RHBDD1: variants seen among roughly 807,000 people sequenced by gnomAD.
RHBDD1 encodes rhomboid domain containing 1.
A neutral mutation model predicts 36.3 loss-of-function variants in RHBDD1; 38 were observed. The ratio of observed to expected loss-of-function variants is 1.05; its 90% CI spans 0.81 to 1.37. The LOEUF (loss-of-function observed/expected upper bound fraction) is 1.37, where lower values mean the gene tolerates loss of function less well. Among genes scored for constraint, RHBDD1 ranks in the 40% most tolerant of loss-of-function variants. The probability of loss-of-function intolerance (pLI) is 0.00; values close to 1 mark genes in which losing one functional copy is unlikely to be tolerated. For synonymous variants in RHBDD1, 151 were observed against 136.5 expected, an observed-to-expected ratio of 1.11 and a Z score of -0.74; for missense variants, 393 against 377.6, an observed-to-expected ratio of 1.04 and a Z score of -0.34.
chr2:226,908,256 C>G (rs929154728), intron 6 of RHBDD1: 13 of 152,124 alleles, frequency 8.5e-5, no homozygotes, highest in African/African-American at 3.1e-4. Flanking sequence ...GGAAAACGAC[C>G]CAGCATGTGG....
At chr2:226,849,719 AT>A (rs1334307274) in intron 3 of RHBDD1, among the ~76,000 whole-genome samples, 2 of 152,200 alleles carry the variant, frequency 1.3e-5, no homozygotes, top group African/African-American at 4.8e-5. Context: ...GCCTATATCT[AT>A]ATCTATATAA....
In RHBDD1 at chr2:226,896,050, A is replaced by G. The variant is rs544142091; in HGVS notation, c.567-10743A>G. The stretch of plus-strand genomic sequence containing the variant: ...TGTTTATGTATATTTGTGTGTCTGC[A>G]TAATATGTTATATGTATAAATATGT... On this transcript the variant is annotated intron_variant, in intron 5 of 8. Coordinates refer to ENST00000392062, the MANE Select transcript of RHBDD1 (RefSeq NM_001167608.3). 4.5e-4 allele frequency among the ~76,000 whole-genome samples: 68 copies of G among 152,356 alleles called. 2 individuals carry two copies. In the South Asian group the frequency reaches 0.014, roughly 31 times the overall value.
chr2:226,867,217 C>G lies in RHBDD1; in HGVS notation c.465C>G (p.Asn155Lys). 1 of 1,611,588 alleles carries G rather than the reference C, an allele frequency of 6.2e-7. No individual in the cohort carries two copies. The highest frequency in any genetic ancestry group is 8.5e-7 in the Non-Finnish European group (1 of 1,179,144). ...GVLFALKVLNNHYCPGGFVNI... is the reference protein window; with the variant it reads ...GVLFALKVLNKHYCPGGFVNI... ...TGTTTGCTTTGAAAGTTCTTAACAACCATTATTGCCCTGGAGGCTTTGTCA... is the reference window on the plus strand; with the variant it reads ...TGTTTGCTTTGAAAGTTCTTAACAAGCATTATTGCCCTGGAGGCTTTGTCA... Residue 155 changes from asparagine to lysine, a missense_variant, in exon 5 of 9, where the codon AAC becomes AAG. By Grantham distance (94) the Asn-to-Lys change is moderately conservative (BLOSUM62 0). Coordinates refer to ENST00000392062, the MANE Select transcript of RHBDD1 (RefSeq NM_001167608.3).
At chr2:226,841,059 T>C (rs1042589986) in intron 3 of RHBDD1, among the ~76,000 whole-genome samples, 5 of 152,212 alleles carry the variant, frequency 3.3e-5, no homozygotes, top group African/African-American at 1.2e-4. Context: ...ATACTGCCCA[T>C]GTAGTCGCCC....
chr2:226,960,118 C>T (rs749010626), intron 8 of RHBDD1, among the ~76,000 whole-genome samples: 2 of 152,138 alleles, frequency 1.3e-5, no homozygotes, highest in Non-Finnish European at 2.9e-5. Flanking sequence ...CCACCGTGCC[C>T]GGCCACATTT....
chr2:226,969,907 G>C (rs969129655), intron 8 of RHBDD1, among the ~76,000 whole-genome samples: 4 of 151,980 alleles, frequency 2.6e-5, no homozygotes, highest in African/African-American at 9.7e-5. Context: ...AGGCACAAAG[G>C]GAATCTTGAA....
At chr2:226,835,201 G>A (rs903532557), upstream of RHBDD1, among the ~76,000 whole-genome samples, 2 of 152,172 alleles carry the variant, frequency 1.3e-5, no homozygotes, top group African/African-American at 2.4e-5. Context: ...GTGAGTTACC[G>A]CGCCCGGCTG....
intron 8 of RHBDD1, among the ~76,000 whole-genome samples, chr2:226,919,694 A>T (rs749798199): frequency 3.9e-5 from 6 of 151,966 alleles, no homozygotes; most frequent in Non-Finnish European, 8.8e-5. Context: ...GTCTGGTTTT[A>T]TGCCAGTACC....
At chr2:226,973,067 G>A (rs1306877844) in intron 8 of RHBDD1, among the ~76,000 whole-genome samples, 1 of 152,158 alleles carries the variant, frequency 6.6e-6, no homozygotes, top group Non-Finnish European at 1.5e-5. Flanking sequence ...GTTGTGCCCT[G>A]TGGCTGCCAT....
intron 5 of RHBDD1, among the ~76,000 whole-genome samples, chr2:226,902,020 T>G (rs1290775365): frequency 1.3e-5 from 2 of 152,156 alleles, no homozygotes; most frequent in Non-Finnish European, 2.9e-5. Context: ...GGTGGTCCTG[T>G]CCCAGAAGGA....
intron 8 of RHBDD1, among the ~76,000 whole-genome samples, chr2:226,938,406 C>A (rs997515946): frequency 6.6e-6 from 1 of 152,004 alleles, no homozygotes; most frequent in Non-Finnish European, 1.5e-5. Flanking sequence ...TTGATAGTTT[C>A]TTTTGCTGTG....
chr2:226,895,424 G>A (rs1234293786), intron 5 of RHBDD1, among the ~76,000 whole-genome samples: 1 of 152,128 alleles, frequency 6.6e-6, no homozygotes, highest in Admixed American at 6.5e-5. Context: ...AAGATGGAGA[G>A]GATTGTGGTC....
intron 8 of RHBDD1, among the ~76,000 whole-genome samples, chr2:226,980,357 G>A (rs576920848): frequency 4.6e-5 from 7 of 152,244 alleles, no homozygotes; most frequent in Middle Eastern, 3.4e-3. Flanking sequence ...GTAAGACACC[G>A]GTATCCACTC....
chr2:226,977,758 T>C (rs1343131783), intron 8 of RHBDD1, among the ~76,000 whole-genome samples: 2 of 152,228 alleles, frequency 1.3e-5, no homozygotes, highest in Non-Finnish European at 2.9e-5. Context: ...AAGAAATCTT[T>C]TGAGGTTTAG....
intron 3 of RHBDD1, among the ~76,000 whole-genome samples, chr2:226,853,545 A>G (rs1027917162): frequency 6.6e-6 from 1 of 152,228 alleles, no homozygotes; most frequent in Non-Finnish European, 1.5e-5. Flanking sequence ...TCTGGTGGGA[A>G]GAGCTGAGTT....
the RHBDD1 span, among the ~76,000 whole-genome samples, chr2:226,818,326 A>G: frequency 1.4e-5 from 2 of 145,388 alleles, no homozygotes; most frequent in African/African-American, 5.0e-5. Context: ...CACCTGGCTA[A>G]TTTTTTTTTT....
intron 3 of RHBDD1, among the ~76,000 whole-genome samples, chr2:226,844,318 G>A (rs535296917): frequency 2.0e-4 from 31 of 151,304 alleles, no homozygotes; most frequent in Admixed American, 9.9e-4. Context: ...GCATCCAATG[G>A]GAGTGGGAGA....
At chr2:226,851,682 T>G (rs1226995054) in intron 3 of RHBDD1, among the ~76,000 whole-genome samples, 2 of 152,212 alleles carry the variant, frequency 1.3e-5, no homozygotes, top group Admixed American at 1.3e-4. Flanking sequence ...TCCCTTGGAA[T>G]GAATTAATTG....
At chr2:226,962,079 A>G (rs1003450999) in intron 8 of RHBDD1, among the ~76,000 whole-genome samples, 1 of 152,178 alleles carries the variant, frequency 6.6e-6, no homozygotes, top group African/African-American at 2.4e-5. Context: ...CCTCCTGCTT[A>G]GCTTAGACAT....
Sources: allele counts gnomAD v4.1 joint callset (sites outside exome capture counted in the v4.1 genomes callset), GRCh38; gene constraint gnomAD v4.1.1; transcripts MANE v1.5; gene names NCBI Gene and HGNC (gene_info 2026-07-23, HGNC 2026-07-21).